SYT9: variants seen among roughly 807,000 people sequenced by gnomAD.
The protein encoded by SYT9 is synaptotagmin-9.
A neutral mutation model predicts 48.4 loss-of-function variants in SYT9; 22 were observed. The observed-to-expected ratio is 0.45, with a 90% CI of 0.32 to 0.65. SYT9 has a LOEUF of 0.65. Among genes scored for constraint, SYT9 ranks in the 30% least tolerant of loss-of-function variants. The probability of loss-of-function intolerance (pLI) is 0.03; values close to 1 mark genes in which losing one functional copy is unlikely to be tolerated. For missense variants in SYT9, 577 were observed against 622.0 expected, an observed-to-expected ratio of 0.93 and a Z score of 0.77; for synonymous variants, 265 against 245.0, an observed-to-expected ratio of 1.08 and a Z score of -0.76.
At chr11:7,449,322 C>CA (rs759372659) in intron 6 of SYT9, among the ~76,000 whole-genome samples, 4,567 of 44,630 alleles carry the variant, frequency 0.1, 764 homozygotes, top group African/African-American at 0.14. Flanking sequence ...GACTCCACCT[C>CA]AAAAAAAAAA....
At chr11:7,247,669 T>C (rs1332297559), upstream of SYT9, among the ~76,000 whole-genome samples, 6 of 132,902 alleles carry the variant, frequency 4.5e-5, no homozygotes, top group East Asian at 1.3e-3. Flanking sequence ...TATGTATATA[T>C]ACGTATATAT....
At chr11:7,351,607 T>G (rs1240307248) in intron 3 of SYT9, among the ~76,000 whole-genome samples, 1 of 152,150 alleles carries the variant, frequency 6.6e-6, no homozygotes, top group African/African-American at 2.4e-5. Flanking sequence ...GATGATGCAA[T>G]GGGATTAATG....
At chr11:7,355,645 A>G (rs1460711257) in intron 3 of SYT9, among the ~76,000 whole-genome samples, 4 of 152,238 alleles carry the variant, frequency 2.6e-5, no homozygotes, top group Admixed American at 6.5e-5. Flanking sequence ...TGTCCTTGAG[A>G]CATCACTTAT....
chr11:7,290,314 A>C (rs1848676867), intron 1 of SYT9, among the ~76,000 whole-genome samples: 1 of 152,182 alleles, frequency 6.6e-6, no homozygotes, highest in Admixed American at 6.5e-5. Flanking sequence ...AGAACTTCTG[A>C]AGATTCATTT....
chr11:7,372,202 A>G (rs1477848678), intron 3 of SYT9, among the ~76,000 whole-genome samples: 1 of 152,144 alleles, frequency 6.6e-6, no homozygotes, highest in Non-Finnish European at 1.5e-5. Flanking sequence ...CATTCTGATG[A>G]TGGCATTTCG....
At chr11:7,275,678 A>G (rs780141720) in intron 1 of SYT9, among the ~76,000 whole-genome samples, 2 of 152,174 alleles carry the variant, frequency 1.3e-5, no homozygotes, top group Non-Finnish European at 2.9e-5. Context: ...TCAGACCTGT[A>G]TATCTAGCCA....
intron 3 of SYT9, among the ~76,000 whole-genome samples, chr11:7,362,127 TTTTTA>T (rs1372196474): frequency 1.4e-5 from 2 of 145,670 alleles, no homozygotes; most frequent in Non-Finnish European, 3.1e-5. Flanking sequence ...CTTTCTTTCT[TTTTTA>T]TTTTATTTTA....
At chr11:7,410,533 C>T (rs1847117350) in intron 3 of SYT9, among the ~76,000 whole-genome samples, 2 of 152,202 alleles carry the variant, frequency 1.3e-5, no homozygotes, top group Non-Finnish European at 2.9e-5. Flanking sequence ...GGGTTGGATG[C>T]ATAAATATTC....
intron 3 of SYT9, among the ~76,000 whole-genome samples, chr11:7,400,592 G>A (rs116030451): frequency 0.011 from 1,644 of 152,294 alleles, 41 homozygotes; most frequent in African/African-American, 0.036. Flanking sequence ...GAAAATGTGT[G>A]ATAGGTTTAT....
intron 3 of SYT9, among the ~76,000 whole-genome samples, chr11:7,385,340 CTGTGTGTGTG>C (rs66576884): frequency 2.7e-5 from 4 of 146,692 alleles, no homozygotes; most frequent in Non-Finnish European, 6.0e-5. Flanking sequence ...TTTGTTTGCT[CTGTGTGTGTG>C]TGTGTGTGTG....
intron 1 of SYT9, among the ~76,000 whole-genome samples, chr11:7,302,597 A>G (rs7930790): frequency 0.21 from 31,299 of 152,162 alleles, 3,663 homozygotes; most frequent in African/African-American, 0.33. Context: ...TTAAAAAGTT[A>G]TGACTTACAC....
intron 3 of SYT9, among the ~76,000 whole-genome samples, chr11:7,365,029 G>T (rs1850214387): frequency 6.6e-6 from 1 of 152,122 alleles, no homozygotes; most frequent in Non-Finnish European, 1.5e-5. Context: ...GAGTGAGTGT[G>T]ATTTTCAGGC....
At chr11:7,289,042 A>T (rs141475509) in intron 1 of SYT9, among the ~76,000 whole-genome samples, 2 of 152,294 alleles carry the variant, frequency 1.3e-5, no homozygotes, top group African/African-American at 4.8e-5. Context: ...CAGGAGAGCA[A>T]ATTTCCATCT....
intron 3 of SYT9, among the ~76,000 whole-genome samples, chr11:7,361,106 T>C (rs1349078195): frequency 6.6e-6 from 1 of 152,108 alleles, no homozygotes; most frequent in African/African-American, 2.4e-5. Flanking sequence ...AGGAAATAAC[T>C]AATTTTAAAA....
chr11:7,390,439 T>C (rs1283493145), intron 3 of SYT9, among the ~76,000 whole-genome samples: 1 of 152,202 alleles, frequency 6.6e-6, no homozygotes, highest in African/African-American at 2.4e-5. Context: ...GGTTTTCATT[T>C]TGGAAGGATA....
At chr11:7,293,533 A>T (rs1472239793) in intron 1 of SYT9, among the ~76,000 whole-genome samples, 1 of 152,190 alleles carries the variant, frequency 6.6e-6, no homozygotes, top group African/African-American at 2.4e-5. Flanking sequence ...GCCTTCAGTT[A>T]ATTAGTACTC....
intron 6 of SYT9, among the ~76,000 whole-genome samples, chr11:7,429,799 A>G (rs1847531751): frequency 6.6e-6 from 1 of 152,250 alleles, no homozygotes. Flanking sequence ...TAATGTTCAG[A>G]TAATTAACTT....
At chr11:7,325,810 T>A (rs1259571817) in intron 3 of SYT9, among the ~76,000 whole-genome samples, 2,051 of 33,132 alleles carry the variant, frequency 0.062, no homozygotes, top group Non-Finnish European at 0.065. Context: ...TTATTGAGAG[T>A]TTTTAGCATG....
At chr11:7,427,356 C>T (rs1371425189) in intron 6 of SYT9, 7 of 152,208 alleles carry the variant, frequency 4.6e-5, no homozygotes, top group South Asian at 2.1e-4. Flanking sequence ...TAAACTGCCA[C>T]GTAATGACAA....
Sources: allele counts gnomAD v4.1 joint callset (sites outside exome capture counted in the v4.1 genomes callset), GRCh38; gene constraint gnomAD v4.1.1; transcripts MANE v1.5; gene names NCBI Gene and HGNC (gene_info 2026-07-23, HGNC 2026-07-21).